Variants in PALLD observed in about 807,000 individuals in gnomAD.
PALLD encodes palladin, cytoskeletal associated protein.
Under a neutral mutation model 123.5 loss-of-function variants are expected in PALLD, and 61 were observed. The observed-to-expected ratio is 0.49, with a 90% confidence interval of 0.40 to 0.61. The LOEUF (loss-of-function observed/expected upper bound fraction) is 0.61, where lower values mean the gene tolerates loss of function less well. Among genes scored for constraint, PALLD ranks in the 20% least tolerant of loss-of-function variants. The probability of loss-of-function intolerance (pLI) is 0.00; values close to 1 mark genes in which losing one functional copy is unlikely to be tolerated. For missense variants in PALLD, 1,273 were observed against 1,377.0 expected (o/e 0.92, Z 1.20); for synonymous variants, 465 against 496.4 (o/e 0.94, Z 0.84).
intron 15 of PALLD, among the ~76,000 whole-genome samples, chr4:168,904,834 T>C (rs1357856899): frequency 2.0e-5 from 3 of 152,156 alleles, no homozygotes; most frequent in Non-Finnish European, 4.4e-5. Flanking sequence ...AACTTTTAAT[T>C]AAAGTTTCTG....
chr4:168,909,865 G>A (rs1169859089), intron 15 of PALLD, among the ~76,000 whole-genome samples: 10 of 152,064 alleles, frequency 6.6e-5, no homozygotes, highest in Non-Finnish European at 1.3e-4. Flanking sequence ...GAACTCTGGG[G>A]GTTTTTTCCC....
chr4:168,508,462 T>G (rs944921338), intron 1 of PALLD, among the ~76,000 whole-genome samples: 5 of 152,180 alleles, frequency 3.3e-5, no homozygotes, highest in African/African-American at 1.2e-4. Flanking sequence ...TGGGTAATTC[T>G]GGTCCATGTA....
rs375336907 is a variant in PALLD, at chr4:168,681,322, A to C, written c.1088-10A>C. The C allele has an allele frequency of 6.4e-7, 1 of 1,553,730 alleles. No individual in the cohort carries two copies. Among genetic ancestry groups the C allele is most frequent in the African/African-American group, 1.4e-5 (1 of 73,744 alleles). ...TCTTAACTTTACCATTATCTTTAAT[A>C]CTTTCCCAGGTGCCAGTTCAACAGA... On this transcript the variant is annotated splice_polypyrimidine_tract_variant and intron_variant, in intron 3 of 21. Coordinates refer to ENST00000505667, the MANE Select transcript of PALLD (RefSeq NM_001166108.2).
intron 10 of PALLD, among the ~76,000 whole-genome samples, chr4:168,806,530 A>G (rs557554498): frequency 1.3e-5 from 2 of 151,974 alleles, no homozygotes; most frequent in Non-Finnish European, 2.9e-5. Context: ...AGCCTGTGGA[A>G]CTCTGAGTCA....
intron 10 of PALLD, chr4:168,833,069 G>GCC (rs1744542592): frequency 4.6e-5 from 7 of 152,586 alleles, no homozygotes; most frequent in African/African-American, 1.4e-4. Flanking sequence ...GCTCTAGGCC[G>GCC]GCCCCGCCCC....
At chr4:168,660,974 G>C (rs1479812460) in intron 2 of PALLD, among the ~76,000 whole-genome samples, 1 of 150,994 alleles carries the variant, frequency 6.6e-6, no homozygotes, top group East Asian at 2.0e-4. Context: ...GCACGATCTT[G>C]ACTCACTGCA....
intron 17 of PALLD, among the ~76,000 whole-genome samples, chr4:168,918,161 C>A (rs1170232633): frequency 6.9e-6 from 1 of 144,352 alleles, no homozygotes; most frequent in Non-Finnish European, 1.5e-5. Context: ...CCAACCTGGG[C>A]AACAGAACAA....
intron 2 of PALLD, among the ~76,000 whole-genome samples, chr4:168,534,939 C>T (rs1764955424): frequency 6.6e-6 from 1 of 152,102 alleles, no homozygotes; most frequent in Non-Finnish European, 1.5e-5. Flanking sequence ...GTGGATTCAA[C>T]CAATCTCAGA....
At chr4:168,665,290 T>C (rs917069365) in intron 2 of PALLD, among the ~76,000 whole-genome samples, 3 of 152,162 alleles carry the variant, frequency 2.0e-5, no homozygotes, top group Non-Finnish European at 4.4e-5. Flanking sequence ...GGAATGTAAG[T>C]TTTTCCAGGG....
At chr4:168,756,326 G>T (rs1731872948) in intron 10 of PALLD, 2 of 232,808 alleles carry the variant, frequency 8.6e-6, no homozygotes, top group South Asian at 5.5e-5. Context: ...CAGGATATCA[G>T]AACATTTTGG....
chr4:168,768,693 A>C (rs1213450487), intron 10 of PALLD, among the ~76,000 whole-genome samples: 1 of 152,184 alleles, frequency 6.6e-6, no homozygotes, highest in Admixed American at 6.5e-5. Flanking sequence ...TGTTTTTTTG[A>C]GATGGAGTCT....
chr4:168,570,874 A>G (rs1768909032), intron 2 of PALLD, among the ~76,000 whole-genome samples: 1 of 152,162 alleles, frequency 6.6e-6, no homozygotes, highest in Non-Finnish European at 1.5e-5. Context: ...CAACATCCCT[A>G]AAACTGGAAA....
At chr4:168,848,236 A>G (rs1388185354) in intron 10 of PALLD, among the ~76,000 whole-genome samples, 1 of 143,312 alleles carries the variant, frequency 7.0e-6, no homozygotes, top group African/African-American at 2.6e-5. Flanking sequence ...CCTTCTGCTT[A>G]CTCAGCAGAT....
At chr4:168,847,432 A>G (rs897209341) in intron 10 of PALLD, among the ~76,000 whole-genome samples, 13 of 152,216 alleles carry the variant, frequency 8.5e-5, no homozygotes, top group African/African-American at 3.1e-4. Flanking sequence ...TGAAAGATAC[A>G]AGATCACTGA....
At chr4:168,593,087 A>G (rs1771603172) in intron 2 of PALLD, among the ~76,000 whole-genome samples, 1 of 152,252 alleles carries the variant, frequency 6.6e-6, no homozygotes, top group South Asian at 2.1e-4. Context: ...ACACAGTGAA[A>G]TTACTGGTTC....
intron 2 of PALLD, among the ~76,000 whole-genome samples, chr4:168,577,234 G>A (rs980583768): frequency 2.6e-5 from 4 of 152,118 alleles, no homozygotes; most frequent in Non-Finnish European, 4.4e-5. Flanking sequence ...AGCAGTGTAT[G>A]AGTGGTTGAA....
chr4:168,615,407 T>G (rs1774129870), intron 2 of PALLD, among the ~76,000 whole-genome samples: 1 of 152,186 alleles, frequency 6.6e-6, no homozygotes, highest in Non-Finnish European at 1.5e-5. Context: ...TGAAGACATT[T>G]CTCCTTACAA....
chr4:168,726,501 T>C (rs1786598319), intron 10 of PALLD, among the ~76,000 whole-genome samples: 2 of 152,218 alleles, frequency 1.3e-5, no homozygotes, highest in Non-Finnish European at 2.9e-5. Context: ...ATTTTTAATT[T>C]TTTTCTTCTC....
At chr4:168,828,411 A>G (rs1743720811) in intron 10 of PALLD, among the ~76,000 whole-genome samples, 1 of 152,238 alleles carries the variant, frequency 6.6e-6, no homozygotes, top group Non-Finnish European at 1.5e-5. Context: ...TGCTAATCAT[A>G]TCTACTTTAT....
Sources: allele counts gnomAD v4.1 joint callset (sites outside exome capture counted in the v4.1 genomes callset), GRCh38; gene constraint gnomAD v4.1.1; transcripts MANE v1.5; gene names NCBI Gene and HGNC (gene_info 2026-07-23, HGNC 2026-07-21).